UNC45A: variants seen among roughly 807,000 people sequenced by gnomAD.
The protein encoded by UNC45A is unc-45 myosin chaperone A, also known as protein unc-45 homolog A.
In UNC45A, 78 loss-of-function variants were observed where a neutral mutation model predicts 103.2. The ratio of observed to expected loss-of-function variants is 0.76; its 90% CI spans 0.63 to 0.91. The LOEUF is 0.91. UNC45A is among the 40% of genes least tolerant of loss of function. The pLI is 0.00. For synonymous variants in UNC45A, 495 were observed against 504.6 expected (o/e 0.98, Z 0.25); for missense variants, 1,193 against 1,224.8 (o/e 0.97, Z 0.39).
At chr15:90,939,673 AGT>A in intron 4 of UNC45A, 56 bp from the exon 5 acceptor site, 1 of 1,562,422 alleles carries the variant, frequency 6.4e-7, no homozygotes. Context: ...ATGAATAGGG[AGT>A]GTGATGTCTC....
intron 4 of UNC45A, 57 bp downstream of exon 4, chr15:90,936,517 C>T (rs1362602855): frequency 8.8e-6 from 14 of 1,584,040 alleles, no homozygotes; most frequent in Non-Finnish European, 1.2e-5. Context: ...GGGTCTGGGC[C>T]AGGGGTGTAG....
At position 90,949,263 on chromosome 15, in the gene UNC45A, C is replaced by T. The variant is rs998617545; in HGVS notation, c.1879-53C>T. On this transcript the variant is annotated intron_variant, in intron 13 of 19. Coordinates refer to ENST00000418476, the MANE Select transcript of UNC45A (RefSeq NM_018671.5). ...CAATTACTGCTGTGAGAAGGGTCCC[C>T]CTTTCTCTGTGAGTCAGCCTAGGCC... 8 of 1,579,116 alleles carry T rather than the reference C, an allele frequency of 5.1e-6. No homozygotes were observed. In the East Asian group the frequency reaches 1.8e-4, roughly 35 times the overall value.
chr15:90,949,409 G>C lies in UNC45A; in HGVS notation c.1972G>C (p.Val658Leu). 1 of 1,613,812 alleles carries C rather than the reference G, an allele frequency of 6.2e-7. No homozygotes were observed. The highest frequency in any genetic ancestry group is 1.1e-5 in the South Asian group (1 of 91,084). Residue 658 changes from valine to leucine, a missense_variant, in exon 14 of 20, where the codon GTG (valine) becomes CTG (leucine). Transcript: ENST00000418476. ...GTGCATGGTGAAGACGGAGAGCCCT[G>C]TGCTGACCAGTTCCTGCAGAGAGCT... ...MVCMVKTESP[V>L]LTSSCRELLS...
upstream of UNC45A, chr15:90,932,594 A>C (rs2035844477): frequency 1.8e-6 from 2 of 1,123,112 alleles, no homozygotes; most frequent in Non-Finnish European, 1.1e-6. Context: ...GAACGTTTAC[A>C]GCGCCCCCTG....
At chr15:90,949,238 C>T (rs2036753524) in intron 13 of UNC45A, 78 bp from the exon 14 acceptor site, 2 of 1,531,512 alleles carry the variant, frequency 1.3e-6, no homozygotes, top group Non-Finnish European at 1.8e-6. Flanking sequence ...CCCAGTTCCT[C>T]AATTACTGCT....
intron 6 of UNC45A, among the ~76,000 whole-genome samples, chr15:90,941,992 C>G (rs1473071730): frequency 1.3e-5 from 2 of 150,356 alleles, no homozygotes; most frequent in Non-Finnish European, 3.0e-5. Flanking sequence ...AAGAAAGAAA[C>G]TGGGTGGAGA....
chr15:90,935,507 AC>A (rs1567146938), intron 1 of UNC45A, 36 bp from the exon 2 acceptor site: 1 of 1,574,904 alleles, frequency 6.3e-7, no homozygotes. Flanking sequence ...TCTGCCCCGA[AC>A]CCCCTCCGAC....
At chr15:90,950,299 C>T in intron 16 of UNC45A, 32 bp downstream of exon 16, 2 of 1,548,066 alleles carry the variant, frequency 1.3e-6, no homozygotes, top group South Asian at 1.2e-5. Context: ...CCTTTCCACT[C>T]CCTCTGTCCC....
In UNC45A at chr15:90,950,228, C is replaced by T; in HGVS notation, c.2148C>T (p.Thr716=). ...TKAAQALAKL[T]ITSNPEMTFP... is the part of the protein sequence containing the mutation. ...CAGCCCAGGCCCTTGCCAAGCTCAC[C>T]ATCACCTCCAACCCGGAGATGACCT... Residue 716 remains threonine, a synonymous_variant, in exon 16 of 20, where the codon ACC becomes ACT. Transcript: ENST00000418476. 1 of 1,551,752 alleles carries T rather than the reference C, an allele frequency of 6.4e-7. No individual in the cohort carries two copies. Among genetic ancestry groups the T allele is most frequent in the Non-Finnish European group, 8.7e-7 (1 of 1,147,006 alleles).
At chr15:90,937,716 G>A (rs2036091373) in intron 4 of UNC45A, among the ~76,000 whole-genome samples, 1 of 152,084 alleles carries the variant, frequency 6.6e-6, no homozygotes, top group African/African-American at 2.4e-5. Context: ...TGGAGCTCCT[G>A]ACCTTGTGAT....
intron 17 of UNC45A, 50 bp from the exon 18 acceptor site, chr15:90,952,878 AG>A (rs747665385): frequency 1.3e-6 from 2 of 1,550,632 alleles, no homozygotes; most frequent in Admixed American, 3.4e-5. Context: ...GAGGGTTAGA[AG>A]GGAAAACATC....
chr15:90,936,732 G>A (rs891429866), intron 4 of UNC45A, among the ~76,000 whole-genome samples: 4 of 152,124 alleles, frequency 2.6e-5, no homozygotes, highest in Admixed American at 2.0e-4. Flanking sequence ...CTGCTGGAGG[G>A]GTATAAATTG....
At chr15:90,946,947 C>T (rs2036605982) in intron 10 of UNC45A, 33 bp downstream of exon 10, 1 of 1,572,154 alleles carries the variant, frequency 6.4e-7, no homozygotes, top group Non-Finnish European at 8.7e-7. Context: ...GGTGGGCAGG[C>T]AGCCAGGCAG....
chr15:90,945,968 G>GACA (rs1330379583), intron 9 of UNC45A, among the ~76,000 whole-genome samples: 1 of 151,458 alleles, frequency 6.6e-6, no homozygotes, highest in Non-Finnish European at 1.5e-5. Context: ...GGAGATTATA[G>GACA]GCCAGGTGTG....
chr15:90,936,147 C>G, intron 3 of UNC45A, 138 bp from the exon 4 acceptor site: 1 of 1,500,682 alleles, frequency 6.7e-7, no homozygotes, highest in Non-Finnish European at 8.9e-7. Context: ...CTACCCTCAC[C>G]TTTTCTGAGG....
chr15:90,936,182 TC>T (rs570565714), intron 3 of UNC45A, 102 bp from the exon 4 acceptor site: 9 of 1,529,088 alleles, frequency 5.9e-6, no homozygotes, highest in Non-Finnish European at 7.0e-6. Context: ...CCCACATTCG[TC>T]CCCCCCACCT....
intron 6 of UNC45A, 138 bp downstream of exon 6, chr15:90,940,611 C>T (rs531518292): frequency 2.6e-6 from 3 of 1,145,758 alleles, no homozygotes; most frequent in Non-Finnish European, 3.5e-6. Context: ...TACCCCTTAC[C>T]TTATTCTAAA....
chr15:90,945,092 C>T (rs771543861), intron 9 of UNC45A, 29 bp downstream of exon 9: 2 of 1,605,374 alleles, frequency 1.2e-6, no homozygotes, highest in Non-Finnish European at 1.7e-6. Flanking sequence ...CCTCCCGTTG[C>T]CAGGGATTCT....
intron 10 of UNC45A, chr15:90,947,498 T>C (rs2036634816): frequency 2.3e-6 from 1 of 426,360 alleles, no homozygotes; most frequent in African/African-American, 2.0e-5. Flanking sequence ...GGCTTCTTTG[T>C]GCGACATGGA....
Sources: allele counts gnomAD v4.1 joint callset (sites outside exome capture counted in the v4.1 genomes callset), GRCh38; gene constraint gnomAD v4.1.1; transcripts MANE v1.5; gene names NCBI Gene and HGNC (gene_info 2026-07-23, HGNC 2026-07-21).